Variants in SH3KBP1 observed in about 807,000 individuals in gnomAD.
The protein encoded by SH3KBP1 is SH3 domain-containing kinase-binding protein 1.
A neutral mutation model predicts 50.1 loss-of-function variants in SH3KBP1; 8 were observed. The observed-to-expected ratio is 0.16, with a 90% CI of 0.09 to 0.29. The LOEUF (loss-of-function observed/expected upper bound fraction) is 0.29, where lower values mean the gene tolerates loss of function less well. Ranked by LOEUF, SH3KBP1 falls within the 10% of genes least tolerant of loss-of-function variation. The pLI is 1.00. For missense variants in SH3KBP1, 377 were observed against 535.2 expected, an observed-to-expected ratio of 0.70 and a Z score of 2.92; for synonymous variants, 227 against 218.6, an observed-to-expected ratio of 1.04 and a Z score of -0.34.
At chrX:19,629,159 G>A (rs1408821792) in intron 8 of SH3KBP1, among the ~76,000 whole-genome samples, 1 of 109,132 alleles carries the variant, frequency 9.2e-6, no homozygotes, top group Non-Finnish European at 1.9e-5. Flanking sequence ...GTAGGCAGAG[G>A]GCATCTCGGG....
chrX:19,742,509 C>T (rs1404842159), intron 3 of SH3KBP1, among the ~76,000 whole-genome samples: 1 of 111,785 alleles, frequency 8.9e-6, no homozygotes, highest in African/African-American at 3.3e-5. Flanking sequence ...GCTAACTGTT[C>T]AAACTTCCGT....
intron 9 of SH3KBP1, among the ~76,000 whole-genome samples, chrX:19,603,603 C>T (rs1240856170): frequency 2.7e-5 from 3 of 112,688 alleles, no homozygotes; most frequent in Admixed American, 9.3e-5. Flanking sequence ...TGCACTAACA[C>T]TGAAGAGCCC....
intron 6 of SH3KBP1, among the ~76,000 whole-genome samples, chrX:19,652,859 C>T (rs2062163281): frequency 8.9e-6 from 1 of 112,051 alleles, no homozygotes; most frequent in Non-Finnish European, 1.9e-5. Context: ...CCTCTTATTG[C>T]ACCTTCTCAT....
intron 9 of SH3KBP1, among the ~76,000 whole-genome samples, chrX:19,601,995 G>A (rs1217976505): frequency 9.0e-6 from 1 of 110,780 alleles, no homozygotes; most frequent in African/African-American, 3.3e-5. Context: ...GGCCTATTGG[G>A]TGGTCAGCCA....
chrX:19,584,636 T>A (rs745343585), intron 12 of SH3KBP1, among the ~76,000 whole-genome samples: 24 of 111,318 alleles, frequency 2.2e-4, no homozygotes, highest in African/African-American at 7.8e-4. Flanking sequence ...CCTGGCCCTG[T>A]AATACGTTTT....
intron 6 of SH3KBP1, among the ~76,000 whole-genome samples, chrX:19,663,459 G>A (rs1444518425): frequency 2.7e-5 from 3 of 110,847 alleles, no homozygotes; most frequent in Non-Finnish European, 5.7e-5. Context: ...TATAAGTTCC[G>A]GAGAGCAGCA....
chrX:19,773,856 GAAAAAAAA>G (rs59381892), intron 2 of SH3KBP1, among the ~76,000 whole-genome samples: 8 of 14,921 alleles, frequency 5.4e-4, no homozygotes, highest in African/African-American at 2.1e-3. Flanking sequence ...ACTCCGGCTC[GAAAAAAAA>G]AAAAAAAAAA....
Position 19,619,562 on chromosome X carries a change from G to A in SH3KBP1, c.898-11517C>T, listed in dbSNP as rs1396988223. On this transcript the variant is annotated intron_variant, in intron 8 of 17. Transcript: ENST00000397821. Reference sequence around the variant, plus strand: ...ACACCTTGGGAGGCCAAGGTGGGCAGATCACTTGAGCTCAGGAGTTTGAGA... The same window carrying A: ...ACACCTTGGGAGGCCAAGGTGGGCAAATCACTTGAGCTCAGGAGTTTGAGA... 3.6e-5 allele frequency among the ~76,000 whole-genome samples: 4 copies of A among 111,805 alleles called. No homozygotes were observed. In the East Asian group the frequency reaches 1.1e-3, roughly 31 times the overall value.
At chrX:19,680,380 C>CA (rs763413288) in intron 6 of SH3KBP1, among the ~76,000 whole-genome samples, 2,798 of 37,204 alleles carry the variant, frequency 0.075, 108 homozygotes, top group African/African-American at 0.16. Flanking sequence ...ACTCTTGTTT[C>CA]AAAAAAAAAA....
chrX:19,695,065 G>A, intron 5 of SH3KBP1: 1 of 1,186,919 alleles, frequency 8.4e-7, no homozygotes, highest in Non-Finnish European at 1.1e-6. Flanking sequence ...GAGAAAGAAA[G>A]ACCTGAAGTT....
intron 2 of SH3KBP1, among the ~76,000 whole-genome samples, chrX:19,751,136 T>C (rs762617685): frequency 1.8e-5 from 2 of 112,266 alleles, no homozygotes; most frequent in Admixed American, 9.4e-5. Flanking sequence ...CCCAAGACTA[T>C]TGAGGCCCAA....
intron 8 of SH3KBP1, among the ~76,000 whole-genome samples, chrX:19,612,450 G>A (rs746866700): frequency 1.8e-5 from 2 of 111,053 alleles, no homozygotes; most frequent in Non-Finnish European, 3.8e-5. Flanking sequence ...ATTTTTAGTA[G>A]AGATGAGGTT....
At chrX:19,707,486 T>TA (rs1251483299) in intron 3 of SH3KBP1, among the ~76,000 whole-genome samples, 1 of 111,880 alleles carries the variant, frequency 8.9e-6, no homozygotes, top group East Asian at 2.8e-4. Flanking sequence ...TCAAGCCTGA[T>TA]AAGTGAAGGC....
At chrX:19,833,613 C>A (rs764497025) in intron 2 of SH3KBP1, among the ~76,000 whole-genome samples, 2 of 107,803 alleles carry the variant, frequency 1.9e-5, no homozygotes, top group African/African-American at 6.8e-5. Flanking sequence ...CCACCATCCA[C>A]CTCGCCTTTC....
intron 7 of SH3KBP1, among the ~76,000 whole-genome samples, chrX:19,637,439 A>C (rs753768045): frequency 8.9e-5 from 10 of 112,215 alleles, no homozygotes; most frequent in African/African-American, 3.2e-4. Flanking sequence ...TACAGTGTTG[A>C]CCAGACAACA....
chrX:19,749,646 C>T (rs1411761562), intron 2 of SH3KBP1, among the ~76,000 whole-genome samples: 2 of 112,154 alleles, frequency 1.8e-5, no homozygotes, highest in Admixed American at 1.9e-4. Flanking sequence ...TTAGAGGTTA[C>T]CTGAAAGGTT....
intron 12 of SH3KBP1, among the ~76,000 whole-genome samples, chrX:19,584,159 AT>A (rs1377872208): frequency 1.3e-4 from 12 of 93,652 alleles, no homozygotes; most frequent in Non-Finnish European, 2.0e-4. Flanking sequence ...TATATAATAT[AT>A]TTATATATAT....
chrX:19,642,748 T>C (rs2061889604), intron 7 of SH3KBP1, among the ~76,000 whole-genome samples: 1 of 111,418 alleles, frequency 9.0e-6, no homozygotes, highest in African/African-American at 3.3e-5. Flanking sequence ...GTTATGAAAA[T>C]TATGTCAATC....
chrX:19,627,042 A>T (rs1456316622), intron 8 of SH3KBP1, among the ~76,000 whole-genome samples: 2 of 112,341 alleles, frequency 1.8e-5, no homozygotes, highest in Non-Finnish European at 3.8e-5. Context: ...AAAACAATGA[A>T]GACAGGGAGG....
Sources: allele counts gnomAD v4.1 joint callset (sites outside exome capture counted in the v4.1 genomes callset), GRCh38; gene constraint gnomAD v4.1.1; transcripts MANE v1.5; gene names NCBI Gene and HGNC (gene_info 2026-07-23, HGNC 2026-07-21).